The following METTL16 variants were observed in gnomAD, a reference collection of about 807,000 sequenced individuals.
METTL16 encodes methyltransferase 16, RNA N6-adenosine.
A neutral mutation model predicts 57.9 loss-of-function variants in METTL16; 19 were observed. The observed-to-expected ratio is 0.33, with a 90% CI of 0.23 to 0.48. The LOEUF (loss-of-function observed/expected upper bound fraction) is 0.48. Ranked by LOEUF, METTL16 falls within the 20% of genes least tolerant of loss-of-function variation. METTL16 has a pLI of 0.99. For missense variants in METTL16, 434 were observed against 691.5 expected (o/e 0.63, Z 4.18); for synonymous variants, 246 against 255.6 (o/e 0.96, Z 0.36).
chr17:2,438,902 C>T (rs2066927481), intron 7 of METTL16, among the ~76,000 whole-genome samples: 1 of 152,150 alleles, frequency 6.6e-6, no homozygotes, highest in African/African-American at 2.4e-5. Flanking sequence ...GGTAAAGGAA[C>T]TAGTTTGTAG....
At chr17:2,472,670 T>TA (rs900772177) in intron 4 of METTL16, among the ~76,000 whole-genome samples, 2 of 151,028 alleles carry the variant, frequency 1.3e-5, no homozygotes, top group African/African-American at 2.4e-5. Flanking sequence ...ATTAAAAGAA[T>TA]AAAAAAAAGC....
rs576940492 is a variant in METTL16 at position 2,418,318 on chromosome 17, T to G, written c.*1652A>C. The G allele has an allele frequency of 1.3e-5, 2 of 150,984 alleles. No homozygotes were observed. Among genetic ancestry groups the G allele is most frequent in the East Asian group, 1.9e-4 (1 of 5,142 alleles). The allele number at this position is 150,984 out of a possible 1,614,324, so 9.4% of individuals were successfully genotyped here. A position where few individuals can be genotyped will look rare whatever the true frequency, so the allele number is the denominator to read the frequency against. ...AAGAACACTGGTCAGAGGCTGGGAG[T>G]AGTGGCTCACGGCTGTAATCCCAGC... is the stretch of plus-strand genomic sequence containing the variant. On this transcript the variant is annotated 3_prime_UTR_variant, in exon 10 of 10. Coordinates refer to ENST00000263092, the MANE Select transcript of METTL16 (RefSeq NM_024086.4).
At chr17:2,474,886 C>T (rs1381390401) in intron 3 of METTL16, among the ~76,000 whole-genome samples, 1 of 151,190 alleles carries the variant, frequency 6.6e-6, no homozygotes, top group Non-Finnish European at 1.5e-5. Flanking sequence ...TGCCATTGCA[C>T]TCCAGCCTAG....
At chr17:2,428,565 A>T (rs1413464631) in intron 8 of METTL16, among the ~76,000 whole-genome samples, 1 of 18,258 alleles carries the variant, frequency 5.5e-5, no homozygotes. Context: ...AAAAAAAAAA[A>T]TATATATATA....
chr17:2,442,451 G>A lies in METTL16; in HGVS notation c.729-892C>T, dbSNP rs573252546. 3.3e-5 allele frequency among the ~76,000 whole-genome samples: 5 copies of A among 150,112 alleles called. No homozygotes were observed. In the East Asian group the frequency reaches 9.8e-4, roughly 29 times the overall value. On this transcript the variant is annotated intron_variant, in intron 6 of 9. Transcript: ENST00000263092. ...TGCTGACGGAGTTACGATTTGTAAA[G>A]CAAATTAACAAGAGCAAATGAAACC...
intron 3 of METTL16, among the ~76,000 whole-genome samples, chr17:2,477,065 G>C (rs1056934452): frequency 2.6e-5 from 4 of 152,050 alleles, no homozygotes; most frequent in Non-Finnish European, 5.9e-5. Context: ...AATAGGGCCA[G>C]GCGTAGTGGC....
chr17:2,479,389 G>C lies in METTL16; in HGVS notation c.129-1504C>G, dbSNP rs1232313533. On this transcript the variant is annotated intron_variant, in intron 2 of 9. Coordinates refer to ENST00000263092, the MANE Select transcript of METTL16 (RefSeq NM_024086.4). ...CCCAGCCCCTTATGTTGCCTCAACT[G>C]GTCTTGAACTCCTGGGCCCATGTAA... Among the ~76,000 whole-genome samples, 3 of 144,438 alleles carry C rather than the reference G, an allele frequency of 2.1e-5. No homozygotes were observed. In the Admixed American group the frequency reaches 2.2e-4, roughly 10 times the overall value. 94.8% of individuals were successfully genotyped at this position (144,438 alleles called of 152,430 possible). A position where few individuals can be genotyped will look rare whatever the true frequency, so the allele number is the denominator to read the frequency against.
At position 2,419,918 on chromosome 17, in the gene METTL16, GC is replaced by G; in HGVS notation, c.*51del. On this transcript the variant is annotated 3_prime_UTR_variant, in exon 10 of 10. Transcript: ENST00000263092. ...TAGGATTCCTCTTGCCACCCCACAGGCCACTCCAAAGCAAGTTACTATCAAC... is the reference window on the plus strand; with the variant it reads ...TAGGATTCCTCTTGCCACCCCACAGGCACTCCAAAGCAAGTTACTATCAAC... 1 of 1,596,050 alleles carries G rather than the reference GC, an allele frequency of 6.3e-7. No homozygotes were observed.
chr17:2,433,124 A>AT (rs780175032), intron 8 of METTL16, among the ~76,000 whole-genome samples: 2 of 152,220 alleles, frequency 1.3e-5, no homozygotes, highest in African/African-American at 4.8e-5. Flanking sequence ...GAAGGGAGAG[A>AT]TGTCCAGGTT....
At chr17:2,424,467 G>T (rs1298404316) in intron 8 of METTL16, 1 of 152,006 alleles carries the variant, frequency 6.6e-6, no homozygotes, top group East Asian at 1.9e-4. Flanking sequence ...GCCCAGGCTG[G>T]TCTGGAACTC....
At chr17:2,496,142 C>G (rs891919473) in intron 2 of METTL16, among the ~76,000 whole-genome samples, 10 of 149,774 alleles carry the variant, frequency 6.7e-5, no homozygotes, top group Non-Finnish European at 1.0e-4. Context: ...ACACACAAAA[C>G]AAAACAAAAA....
intron 2 of METTL16, among the ~76,000 whole-genome samples, chr17:2,488,518 C>A (rs1277372125): frequency 6.6e-6 from 1 of 151,980 alleles, no homozygotes; most frequent in South Asian, 2.1e-4. Flanking sequence ...GAGATAGTGC[C>A]ACTGCACTCC....
At chr17:2,448,801 T>TAAAAAAA (rs1567889993) in intron 6 of METTL16, among the ~76,000 whole-genome samples, 2 of 47,414 alleles carry the variant, frequency 4.2e-5, no homozygotes, top group Admixed American at 1.9e-4. Flanking sequence ...AAAATAAAAT[T>TAAAAAAA]TAAAAAAAAA....
At position 2,468,908 on chromosome 17, in the gene METTL16, T is replaced by G. The variant is rs561416564; in HGVS notation, c.470-1032A>C. Reference sequence around the variant, plus strand: ...GTCTCTAATAAAAAAATGTTTTTTTTTTGTTGTTGTGTGTGTGTGTTTTTT... The same window carrying G: ...GTCTCTAATAAAAAAATGTTTTTTTGTTGTTGTTGTGTGTGTGTGTTTTTT... On this transcript the variant is annotated intron_variant, in intron 4 of 9. Transcript: ENST00000263092. 7.4e-3 allele frequency among the ~76,000 whole-genome samples: 1,023 copies of G among 137,420 alleles called. 6 individuals carry two copies. Among genetic ancestry groups the G allele is most frequent in the Middle Eastern group, 0.015 (4 of 274 alleles). The allele number at this position is 137,420 out of a possible 152,430, so 90.2% of individuals were successfully genotyped here. A position where few individuals can be genotyped will look rare whatever the true frequency, so the allele number is the denominator to read the frequency against.
At chr17:2,439,011 C>A (rs1055631617) in intron 7 of METTL16, among the ~76,000 whole-genome samples, 6 of 152,172 alleles carry the variant, frequency 3.9e-5, no homozygotes, top group African/African-American at 1.4e-4. Context: ...CTCCCACTGG[C>A]TTGCATCTGA....
intron 8 of METTL16, among the ~76,000 whole-genome samples, chr17:2,435,035 A>T (rs774150493): frequency 3.3e-5 from 5 of 152,266 alleles, no homozygotes; most frequent in Non-Finnish European, 7.3e-5. Context: ...GTGGCTTGTT[A>T]GAATTCTGCA....
intron 8 of METTL16, among the ~76,000 whole-genome samples, chr17:2,428,770 A>G (rs957994399): frequency 2.0e-5 from 3 of 151,468 alleles, no homozygotes; most frequent in East Asian, 1.9e-4. Context: ...CCATGACTTC[A>G]TAAGATGCTA....
chr17:2,440,312 G>A (rs528797167), intron 7 of METTL16, among the ~76,000 whole-genome samples: 5 of 151,748 alleles, frequency 3.3e-5, no homozygotes, highest in Admixed American at 6.6e-5. Context: ...GCAGTGGCAC[G>A]ATCTCAGCTC....
At chr17:2,446,296 A>C (rs901876077) in intron 6 of METTL16, among the ~76,000 whole-genome samples, 6 of 152,246 alleles carry the variant, frequency 3.9e-5, no homozygotes, top group Non-Finnish European at 8.8e-5. Flanking sequence ...GATCCTAGTC[A>C]GTACAAGTAA....
Sources: allele counts gnomAD v4.1 joint callset (sites outside exome capture counted in the v4.1 genomes callset), GRCh38; gene constraint gnomAD v4.1.1; transcripts MANE v1.5; gene names NCBI Gene and HGNC (gene_info 2026-07-23, HGNC 2026-07-21).